GPC5: variants seen among roughly 807,000 people sequenced by gnomAD.
The protein encoded by GPC5 is glypican 5, also known as glypican-5.
GPC5 carries 47 observed loss-of-function variants against 53.9 expected under a neutral mutation model. The observed-to-expected ratio is 0.87, with a 90% confidence interval of 0.69 to 1.11. GPC5 has a LOEUF of 1.11. GPC5 is among the 50% of genes most tolerant of loss of function. GPC5 has a pLI of 0.00. For synonymous variants in GPC5, 286 were observed against 263.3 expected (o/e 1.09, Z -0.84); for missense variants, 748 against 713.1 (o/e 1.05, Z -0.56).
At chr13:91,712,298 A>ATG (rs923393664) in intron 3 of GPC5, among the ~76,000 whole-genome samples, 19 of 150,254 alleles carry the variant, frequency 1.3e-4, no homozygotes, top group South Asian at 2.1e-4. Context: ...TTCCAGTTTA[A>ATG]TGTGTGTGTG....
At chr13:92,202,460 C>T (rs9560979) in intron 7 of GPC5, among the ~76,000 whole-genome samples, 30,368 of 152,052 alleles carry the variant, frequency 0.2, 3,901 homozygotes, top group East Asian at 0.62. Context: ...CTATAGACTA[C>T]GGTTATAATT....
At chr13:92,512,726 C>T (rs1237458109) in intron 7 of GPC5, among the ~76,000 whole-genome samples, 3 of 152,174 alleles carry the variant, frequency 2.0e-5, no homozygotes, top group Non-Finnish European at 4.4e-5. Flanking sequence ...TATAGTCAAT[C>T]ATCTGAAATT....
intron 2 of GPC5, among the ~76,000 whole-genome samples, chr13:91,596,651 G>A (rs1443450227): frequency 6.6e-6 from 1 of 151,764 alleles, no homozygotes; most frequent in Non-Finnish European, 1.5e-5. Context: ...TATATTTTGG[G>A]TCTTTCTTTT....
At chr13:91,914,115 G>T (rs1247064674) in intron 6 of GPC5, among the ~76,000 whole-genome samples, 1 of 152,114 alleles carries the variant, frequency 6.6e-6, no homozygotes, top group Non-Finnish European at 1.5e-5. Flanking sequence ...TCACAGTTCT[G>T]CAGCAATTTA....
chr13:91,423,322 T>C (rs1878775681), intron 1 of GPC5, among the ~76,000 whole-genome samples: 1 of 152,194 alleles, frequency 6.6e-6, no homozygotes, highest in Admixed American at 6.5e-5. Flanking sequence ...GTTTTTATTA[T>C]TGAAATGGTA....
intron 5 of GPC5, among the ~76,000 whole-genome samples, chr13:91,891,387 T>A (rs760644236): frequency 6.6e-6 from 1 of 152,168 alleles, no homozygotes; most frequent in Non-Finnish European, 1.5e-5. Context: ...TGAAGGCAGA[T>A]GTTCTTTGCA....
At chr13:91,916,524 A>G (rs1205587354) in intron 6 of GPC5, among the ~76,000 whole-genome samples, 1 of 152,214 alleles carries the variant, frequency 6.6e-6, no homozygotes, top group Admixed American at 6.5e-5. Context: ...TACTAGCTGA[A>G]AGAAGCCACT....
chr13:92,509,463 C>T (rs1440389549), intron 7 of GPC5: 3 of 152,148 alleles, frequency 2.0e-5, no homozygotes, highest in Admixed American at 2.0e-4. Context: ...CACATCTCCT[C>T]TTATATTTTC....
intron 6 of GPC5, among the ~76,000 whole-genome samples, chr13:92,049,476 A>G (rs547873959): frequency 4.1e-4 from 62 of 152,236 alleles, no homozygotes; most frequent in Non-Finnish European, 8.2e-4. Context: ...CCAGATAAAA[A>G]GACACCAGGA....
chr13:91,468,450 T>C (rs1594127976), intron 2 of GPC5, among the ~76,000 whole-genome samples: 2 of 152,084 alleles, frequency 1.3e-5, no homozygotes, highest in African/African-American at 4.8e-5. Flanking sequence ...TCCAATGTGA[T>C]TGGTGGCCTT....
chr13:92,574,114 T>C (rs1883118683), intron 7 of GPC5, among the ~76,000 whole-genome samples: 1 of 152,206 alleles, frequency 6.6e-6, no homozygotes, highest in Non-Finnish European at 1.5e-5. Flanking sequence ...GTTACTCTCA[T>C]TGCTTAATAA....
intron 6 of GPC5, among the ~76,000 whole-genome samples, chr13:92,017,894 A>C (rs1338031021): frequency 6.6e-6 from 1 of 151,898 alleles, no homozygotes; most frequent in African/African-American, 2.4e-5. Flanking sequence ...CTTCCACAAA[A>C]TACACACGTA....
intron 7 of GPC5, among the ~76,000 whole-genome samples, chr13:92,525,996 A>G (rs889372799): frequency 6.6e-6 from 1 of 152,008 alleles, no homozygotes; most frequent in African/African-American, 2.4e-5. Context: ...CCAACTTCTC[A>G]CTGTTCACTA....
intron 2 of GPC5, among the ~76,000 whole-genome samples, chr13:91,689,196 T>TATATAA (rs1217864020): frequency 2.0e-5 from 2 of 99,418 alleles, no homozygotes; most frequent in African/African-American, 1.0e-4. Context: ...TATATATATA[T>TATATAA]ATATATATAT....
chr13:91,411,045 G>T (rs1299142669), intron 1 of GPC5, among the ~76,000 whole-genome samples: 1 of 152,176 alleles, frequency 6.6e-6, no homozygotes, highest in Non-Finnish European at 1.5e-5. Flanking sequence ...GGAGGTGGAG[G>T]TTGCAGTGAC....
intron 7 of GPC5, among the ~76,000 whole-genome samples, chr13:92,349,189 G>A (rs1010670189): frequency 9.2e-5 from 14 of 152,144 alleles, no homozygotes; most frequent in African/African-American, 2.9e-4. Flanking sequence ...TGTTGCCCAG[G>A]CTGGAGTGCG....
chr13:92,432,196 G>A (rs1455901455), intron 7 of GPC5, among the ~76,000 whole-genome samples: 1 of 152,150 alleles, frequency 6.6e-6, no homozygotes, highest in African/African-American at 2.4e-5. Context: ...CAGGAAGAGA[G>A]CATCACCAGA....
At chr13:92,582,099 A>G (rs1883391614) in intron 7 of GPC5, among the ~76,000 whole-genome samples, 2 of 152,034 alleles carry the variant, frequency 1.3e-5, no homozygotes, top group Non-Finnish European at 2.9e-5. Flanking sequence ...TTTGAGGCCA[A>G]ATCTAAAAAA....
intron 7 of GPC5, among the ~76,000 whole-genome samples, chr13:92,238,531 C>G (rs948232236): frequency 4.6e-5 from 7 of 151,916 alleles, no homozygotes; most frequent in Non-Finnish European, 7.4e-5. Flanking sequence ...TGTATTTGCC[C>G]TTTTTAAAAA....
Sources: allele counts gnomAD v4.1 joint callset (sites outside exome capture counted in the v4.1 genomes callset), GRCh38; gene constraint gnomAD v4.1.1; transcripts MANE v1.5; gene names NCBI Gene and HGNC (gene_info 2026-07-23, HGNC 2026-07-21).